The following PTPRT variants were observed in gnomAD, a reference collection of about 807,000 sequenced individuals.
PTPRT encodes receptor-type tyrosine-protein phosphatase T.
A neutral mutation model predicts 176.8 loss-of-function variants in PTPRT; 56 were observed. The ratio of observed to expected loss-of-function variants is 0.32; its 90% confidence interval spans 0.26 to 0.40. The LOEUF is 0.40. PTPRT is among the 10% of genes least tolerant of loss of function. The pLI, the probability that PTPRT is intolerant of heterozygous loss-of-function variation, is 1.00. For missense variants in PTPRT, 1,540 were observed against 1,908.2 expected, an observed-to-expected ratio of 0.81 and a Z score of 3.60; for synonymous variants, 783 against 739.0, an observed-to-expected ratio of 1.06 and a Z score of -0.96.
intron 6 of PTPRT, among the ~76,000 whole-genome samples, chr20:42,754,521 G>A (rs997051215): frequency 3.4e-5 from 5 of 146,312 alleles, no homozygotes; most frequent in African/African-American, 1.1e-4. Context: ...TCAGGTGATC[G>A]ATCTGTCTGC....
At chr20:42,268,311 A>G (rs1156290995) in intron 13 of PTPRT, among the ~76,000 whole-genome samples, 1 of 152,216 alleles carries the variant, frequency 6.6e-6, no homozygotes, top group Non-Finnish European at 1.5e-5. Context: ...CAGACGCCTT[A>G]GAAGACAAGA....
Position 42,677,861 on chromosome 20 carries a change from C to A in PTPRT, c.1153+5G>T, listed in dbSNP as rs775748412. On this transcript the variant is annotated splice_donor_5th_base_variant and intron_variant, in intron 7 of 30. Transcript: ENST00000373187. ...AATGGAGCCTGGGAAAAAAAAAAAT[C>A]TTACCTGCACACTTGGTCCTGGTGG... 3.9e-6 allele frequency: 6 copies of A among 1,550,166 alleles called. No homozygotes were observed. In the African/African-American group the frequency reaches 7.3e-5, roughly 19 times the overall value.
chr20:42,228,487 C>T (rs1022714392), intron 15 of PTPRT, among the ~76,000 whole-genome samples: 1 of 152,210 alleles, frequency 6.6e-6, no homozygotes, highest in Non-Finnish European at 1.5e-5. Flanking sequence ...CTATTAATAT[C>T]TCATTGTAAT....
At chr20:42,425,950 T>C (rs932756680) in intron 9 of PTPRT, among the ~76,000 whole-genome samples, 26 of 151,942 alleles carry the variant, frequency 1.7e-4, no homozygotes, top group Non-Finnish European at 1.6e-4. Flanking sequence ...TGCCAGAACA[T>C]AGAGGTGGAA....
intron 15 of PTPRT, among the ~76,000 whole-genome samples, chr20:42,234,147 C>T (rs1302014980): frequency 1.3e-5 from 2 of 152,084 alleles, no homozygotes; most frequent in African/African-American, 2.4e-5. Flanking sequence ...CTCCCAGGGA[C>T]TACTATTCCT....
At chr20:42,713,522 T>C (rs896473600) in intron 6 of PTPRT, among the ~76,000 whole-genome samples, 2 of 152,186 alleles carry the variant, frequency 1.3e-5, no homozygotes, top group Admixed American at 6.5e-5. Flanking sequence ...TCCATTGCTC[T>C]TCAGAAATTT....
At chr20:42,194,881 C>G (rs1991141415) in intron 16 of PTPRT, among the ~76,000 whole-genome samples, 1 of 152,088 alleles carries the variant, frequency 6.6e-6, no homozygotes, top group African/African-American at 2.4e-5. Flanking sequence ...GAATAGATGT[C>G]ACAGAACTTA....
intron 16 of PTPRT, among the ~76,000 whole-genome samples, chr20:42,181,375 A>G (rs1329865877): frequency 6.6e-6 from 1 of 152,156 alleles, no homozygotes; most frequent in Non-Finnish European, 1.5e-5. Context: ...TAGAGAGTCC[A>G]AGGAAGCCAG....
At chr20:42,131,975 A>T (rs571168942) in intron 18 of PTPRT, among the ~76,000 whole-genome samples, 21 of 152,210 alleles carry the variant, frequency 1.4e-4, no homozygotes, top group African/African-American at 4.8e-5. Context: ...GTGTGAGGGG[A>T]ACAGCGATGG....
intron 27 of PTPRT, among the ~76,000 whole-genome samples, chr20:42,090,350 G>A (rs977258935): frequency 2.0e-5 from 3 of 151,060 alleles, no homozygotes; most frequent in Non-Finnish European, 2.9e-5. Context: ...CTGTGAAGAT[G>A]AGTAGCATCC....
chr20:42,723,551 G>A (rs1183312796), intron 6 of PTPRT, among the ~76,000 whole-genome samples: 23 of 152,124 alleles, frequency 1.5e-4, no homozygotes, highest in Non-Finnish European at 3.2e-4. Flanking sequence ...CTATCCTCAG[G>A]GGCCTGAAAA....
chr20:42,372,404 C>T (rs1225447004), intron 9 of PTPRT, among the ~76,000 whole-genome samples: 1 of 151,136 alleles, frequency 6.6e-6, no homozygotes, highest in Non-Finnish European at 1.5e-5. Context: ...CTGTCTCGGC[C>T]TCCTAAGTAG....
At chr20:42,312,738 C>T (rs1033649866) in intron 12 of PTPRT, among the ~76,000 whole-genome samples, 2 of 150,616 alleles carry the variant, frequency 1.3e-5, no homozygotes, top group Non-Finnish European at 2.9e-5. Flanking sequence ...AATTAAATGG[C>T]CTTGTTCATT....
chr20:42,240,884 C>A (rs2056340688), intron 14 of PTPRT, among the ~76,000 whole-genome samples: 1 of 152,164 alleles, frequency 6.6e-6, no homozygotes, highest in Non-Finnish European at 1.5e-5. Context: ...GCCAGACTAG[C>A]AAATTATAAA....
intron 20 of PTPRT, among the ~76,000 whole-genome samples, chr20:42,119,223 C>T (rs900559201): frequency 6.6e-6 from 1 of 152,048 alleles, no homozygotes; most frequent in African/African-American, 2.4e-5. Context: ...TAATAAGCAT[C>T]AGACCTATTA....
At chr20:42,066,851 G>A in the PTPRT span, among the ~76,000 whole-genome samples, 14 of 151,848 alleles carry the variant, frequency 9.2e-5, no homozygotes, top group Admixed American at 6.6e-5. Context: ...GTTTTCTCTC[G>A]ATTAGACTTC....
At chr20:42,223,170 C>T (rs577669471) in intron 15 of PTPRT, among the ~76,000 whole-genome samples, 2 of 152,250 alleles carry the variant, frequency 1.3e-5, no homozygotes, top group Admixed American at 1.3e-4. Context: ...TGCAAAACAG[C>T]AGTAGACAGA....
At chr20:42,818,813 C>A (rs756584589) in intron 2 of PTPRT, among the ~76,000 whole-genome samples, 10 of 152,106 alleles carry the variant, frequency 6.6e-5, no homozygotes, top group Non-Finnish European at 1.3e-4. Flanking sequence ...GTTTGAAGAT[C>A]ACCTTACTAA....
intron 15 of PTPRT, 84 bp from the exon 16 acceptor site, chr20:42,199,472 T>C: frequency 1.4e-6 from 2 of 1,447,150 alleles, no homozygotes; most frequent in Admixed American, 2.1e-5. Flanking sequence ...TCTTCCCCAA[T>C]GCTCATCCTC....
Sources: gnomAD v4.1 joint callset for allele counts (sites outside exome capture counted in the v4.1 genomes callset) on GRCh38, gnomAD v4.1.1 for gene constraint, MANE v1.5 for transcripts, NCBI Gene and HGNC (gene_info 2026-07-23, HGNC 2026-07-21) for gene names.